ARID1B: variants seen among roughly 807,000 people sequenced by gnomAD.
ARID1B encodes the protein AT-rich interactive domain-containing protein 1B.
ARID1B carries 30 observed loss-of-function variants against 212.3 expected under a neutral mutation model. The observed-to-expected ratio is 0.14, with a 90% confidence interval of 0.11 to 0.19. ARID1B has a LOEUF of 0.19. ARID1B is among the 10% of genes least tolerant of loss of function. The pLI, the probability that ARID1B is intolerant of heterozygous loss-of-function variation, is 1.00. For missense variants in ARID1B, 2,891 were observed against 3,204.0 expected, an observed-to-expected ratio of 0.90 and a Z score of 2.36; for synonymous variants, 1,402 against 1,301.7, an observed-to-expected ratio of 1.08 and a Z score of -1.66.
At chr6:156,835,098 G>C (rs547590518) in intron 2 of ARID1B, among the ~76,000 whole-genome samples, 1 of 152,070 alleles carries the variant, frequency 6.6e-6, no homozygotes, top group South Asian at 2.1e-4. Flanking sequence ...AAAATTAGCC[G>C]GCGTGGTGGC....
At chr6:156,816,924 C>A (rs1250956954) in intron 1 of ARID1B, among the ~76,000 whole-genome samples, 2 of 152,042 alleles carry the variant, frequency 1.3e-5, no homozygotes, top group Non-Finnish European at 2.9e-5. Flanking sequence ...GATTTCTGAT[C>A]AAAGAATGGG....
At chr6:156,810,698 T>G (rs780161617) in intron 1 of ARID1B, among the ~76,000 whole-genome samples, 1 of 152,148 alleles carries the variant, frequency 6.6e-6, no homozygotes, top group Non-Finnish European at 1.5e-5. Flanking sequence ...AGATGAGGAA[T>G]CAGCCCCCAA....
chr6:156,862,474 C>T (rs1180282751), intron 2 of ARID1B, among the ~76,000 whole-genome samples: 1 of 152,000 alleles, frequency 6.6e-6, no homozygotes, highest in Admixed American at 6.6e-5. Context: ...GAAAGTAAGA[C>T]GAAGGCAGAA....
chr6:156,953,608 A>C (rs1016990204), intron 4 of ARID1B, among the ~76,000 whole-genome samples: 3 of 152,246 alleles, frequency 2.0e-5, no homozygotes, highest in African/African-American at 7.2e-5. Flanking sequence ...TCCCCCAGGA[A>C]TATGAGAATA....
chr6:157,125,431 C>T (rs1261650114), intron 6 of ARID1B, among the ~76,000 whole-genome samples: 4 of 152,096 alleles, frequency 2.6e-5, no homozygotes, highest in African/African-American at 9.7e-5. Context: ...TAAAAGGGTA[C>T]CTCAAGTGAC....
At chr6:157,022,162 G>A (rs1401741934) in intron 4 of ARID1B, 1 of 152,110 alleles carries the variant, frequency 6.6e-6, no homozygotes, top group African/African-American at 2.4e-5. Flanking sequence ...GGCCGCGGAA[G>A]GGGGCGAGGT....
At chr6:156,919,581 A>G (rs1314160918) in intron 3 of ARID1B, among the ~76,000 whole-genome samples, 1 of 152,232 alleles carries the variant, frequency 6.6e-6, no homozygotes, top group Non-Finnish European at 1.5e-5. Context: ...GCAGCTGCTT[A>G]GCCCAGTTTA....
At chr6:157,167,453 A>C (rs565432672) in intron 9 of ARID1B, 1 of 290,078 alleles carries the variant, frequency 3.4e-6, no homozygotes, top group East Asian at 6.2e-5. Flanking sequence ...TTAAATATGC[A>C]CACTAAGTTC....
At chr6:156,803,477 A>G (rs889645471) in intron 1 of ARID1B, among the ~76,000 whole-genome samples, 1 of 151,730 alleles carries the variant, frequency 6.6e-6, no homozygotes, top group Admixed American at 6.6e-5. Context: ...TCCATCCACC[A>G]TCTTCCTCCC....
chr6:157,202,962 C>T (rs1273634450), intron 18 of ARID1B, among the ~76,000 whole-genome samples: 3 of 152,070 alleles, frequency 2.0e-5, no homozygotes, highest in African/African-American at 7.2e-5. Flanking sequence ...GGTTATATAG[C>T]ATTTGTCTTC....
chr6:157,135,669 C>G (rs1367973444), intron 7 of ARID1B, among the ~76,000 whole-genome samples: 1 of 152,206 alleles, frequency 6.6e-6, no homozygotes, highest in Non-Finnish European at 1.5e-5. Context: ...AGCCTCCTGT[C>G]CTCAGCAAAC....
intron 4 of ARID1B, chr6:156,985,091 G>C (rs1583079643): frequency 6.6e-6 from 1 of 152,160 alleles, no homozygotes; most frequent in East Asian, 1.9e-4. Flanking sequence ...AGTTCTTACA[G>C]AAAGAAAGCT....
At position 157,200,816 on chromosome 6, in the gene ARID1B, G is replaced by A; in HGVS notation, c.4591G>A (p.Gly1531Arg). The A allele has an allele frequency of 6.2e-7, 1 of 1,614,120 alleles. No homozygotes were observed. Among genetic ancestry groups the A allele is most frequent in the Non-Finnish European group, 8.5e-7 (1 of 1,180,014 alleles). Residue 1531 changes from glycine (G) to arginine (R), a missense_variant, in exon 18 of 20, where the codon GGA (glycine) becomes AGA (arginine). Around this residue, in one of 7 missense-constraint regions of ARID1B, gnomAD observed 666 missense variants for 873.5 expected, o/e 0.76. Coordinates refer to ENST00000636930, the MANE Select transcript of ARID1B (RefSeq NM_001374828.1). The surrounding 1 kb of genome is among the most constrained non-coding windows in gnomAD (Gnocchi z 4.3). ...GCAGCAGGAGATGTACAACCAGTAT[G>A]GAGGCTCCTACTCGGGCCCGGACCG... Reference protein sequence around the residue: ...SQQQEMYNQYGGSYSGPDRRP... With the variant: ...SQQQEMYNQYRGSYSGPDRRP...
chr6:157,158,885 T>C (rs1027092828), intron 8 of ARID1B, among the ~76,000 whole-genome samples: 5 of 152,202 alleles, frequency 3.3e-5, no homozygotes, highest in African/African-American at 1.2e-4. Flanking sequence ...GCAATAGAGG[T>C]GACACTTTCT....
intron 8 of ARID1B, among the ~76,000 whole-genome samples, chr6:157,156,997 C>G (rs1447129020): frequency 1.3e-5 from 2 of 152,174 alleles, no homozygotes; most frequent in African/African-American, 4.8e-5. Flanking sequence ...GTGTGTCTTC[C>G]TAAATGCTTT....
chr6:157,146,167 C>T (rs529666960), intron 7 of ARID1B, among the ~76,000 whole-genome samples: 230 of 152,224 alleles, frequency 1.5e-3, no homozygotes, highest in African/African-American at 5.3e-3. Flanking sequence ...AGCCTCTCAG[C>T]CATAAGTGCC....
In ARID1B at chr6:157,189,683, A is replaced by G. The variant is rs552938708; in HGVS notation, c.3961A>G (p.Thr1321Ala). 1.2e-6 allele frequency: 2 copies of G among 1,613,872 alleles called. No individual in the cohort carries two copies. The highest frequency in any genetic ancestry group is 2.2e-5 in the East Asian group (1 of 44,868). ...GCAAGGCCCACAGACCCCCCAGTCA[A>G]CTGGCAGCAATTCCATGGCAGAGGT... Reference protein sequence around the residue: ...SLQGPQTPQSTGSNSMAEVPG... With the variant: ...SLQGPQTPQSAGSNSMAEVPG... Residue 1321 changes from threonine (T) to alanine (A), a missense_variant, in exon 14 of 20, where the codon ACT becomes GCT. Physicochemically the swap from Thr to Ala is moderately conservative, Grantham distance 58. Transcript: ENST00000636930.
At chr6:156,906,865 T>TA (rs1471230871) in intron 3 of ARID1B, among the ~76,000 whole-genome samples, 1 of 152,236 alleles carries the variant, frequency 6.6e-6, no homozygotes, top group African/African-American at 2.4e-5. Context: ...GGATTATTCT[T>TA]ACATACCTTA....
chr6:156,778,732 C>G lies in ARID1B; in HGVS notation c.1052C>G (p.Ser351Cys). 3 of 1,525,000 alleles carry G rather than the reference C, an allele frequency of 2.0e-6. No individual in the cohort carries two copies. Among genetic ancestry groups the G allele is most frequent in the East Asian group, 2.6e-5 (1 of 37,876 alleles). 94.5% of individuals were successfully genotyped at this position (1,525,000 alleles called of 1,614,324 possible). The part of the protein sequence containing the change: ...QQSPGMGMMH[S>C]ASAAAAGAPG... Reference sequence around the variant, plus strand: ...AGCCCCGGGATGGGGATGATGCACTCCGCCTCCGCCGCCGCCGCCGGGGCC... The same window carrying G: ...AGCCCCGGGATGGGGATGATGCACTGCGCCTCCGCCGCCGCCGCCGGGGCC... Residue 351 changes from serine to cysteine, a missense_variant, in exon 1 of 20, where the codon TCC (serine) becomes TGC (cysteine). Coordinates refer to ENST00000636930, the MANE Select transcript of ARID1B (RefSeq NM_001374828.1).
Sources: allele counts gnomAD v4.1 joint callset (sites outside exome capture counted in the v4.1 genomes callset), GRCh38; gene constraint gnomAD v4.1.1; regional missense constraint gnomAD v4.1.1; non-coding constraint Gnocchi (gnomAD v3.1); transcripts MANE v1.5; gene names NCBI Gene and HGNC (gene_info 2026-07-23, HGNC 2026-07-21).